Variants in HMG20A observed in about 807,000 individuals in gnomAD.
The protein encoded by HMG20A is high mobility group 20A.
In HMG20A, 17 loss-of-function variants were observed where a neutral mutation model predicts 43.9. The observed-to-expected ratio is 0.39, with a 90% CI of 0.27 to 0.58. The LOEUF (loss-of-function observed/expected upper bound fraction) is 0.58, where lower values mean the gene tolerates loss of function less well. Ranked by LOEUF, HMG20A falls within the 20% of genes least tolerant of loss-of-function variation. The pLI, the probability that HMG20A is intolerant of heterozygous loss-of-function variation, is 0.59. For synonymous variants in HMG20A, 132 were observed against 147.5 expected, an observed-to-expected ratio of 0.89 and a Z score of 0.76; for missense variants, 341 against 438.2, an observed-to-expected ratio of 0.78 and a Z score of 1.98.
the HMG20A span, among the ~76,000 whole-genome samples, chr15:77,506,367 A>G: frequency 0.3 from 46,256 of 151,708 alleles, 7,318 homozygotes; most frequent in African/African-American, 0.39. Context: ...CTCCCTCTCC[A>G]CCAGTTGCTG....
chr15:77,481,005 C>T (rs2072901986), intron 9 of HMG20A, among the ~76,000 whole-genome samples: 1 of 152,124 alleles, frequency 6.6e-6, no homozygotes, highest in Non-Finnish European at 1.5e-5. Context: ...TTAGAATGGT[C>T]ATGGGTTTGA....
intron 1 of HMG20A, among the ~76,000 whole-genome samples, chr15:77,457,516 A>G (rs960835470): frequency 6.6e-6 from 1 of 152,182 alleles, no homozygotes; most frequent in African/African-American, 2.4e-5. Context: ...TTTTAACTAC[A>G]TGGGGTGATG....
the HMG20A span, among the ~76,000 whole-genome samples, chr15:77,501,279 ACT>A: frequency 9.3e-5 from 14 of 151,276 alleles, no homozygotes; most frequent in African/African-American, 3.2e-4. Flanking sequence ...CATCACCTCC[ACT>A]CTCTCTGATT....
chr15:77,447,528 C>A (rs976219342), intron 1 of HMG20A, among the ~76,000 whole-genome samples: 2 of 151,878 alleles, frequency 1.3e-5, no homozygotes, highest in African/African-American at 4.8e-5. Flanking sequence ...CTGAACTGTG[C>A]CAGTCTCTTT....
At chr15:77,511,873 G>A in the HMG20A span, among the ~76,000 whole-genome samples, 2 of 152,166 alleles carry the variant, frequency 1.3e-5, no homozygotes, top group African/African-American at 2.4e-5. Flanking sequence ...ATTAAAAGTA[G>A]AATTACCATA....
the HMG20A span, among the ~76,000 whole-genome samples, chr15:77,508,673 C>T: frequency 2.0e-5 from 3 of 152,202 alleles, no homozygotes; most frequent in Non-Finnish European, 2.9e-5. Context: ...CAGGGCTGGA[C>T]GGGTCACTTG....
At chr15:77,478,990 A>G (rs2072882676) in intron 8 of HMG20A, among the ~76,000 whole-genome samples, 189 bp from the exon 9 acceptor site, 1 of 152,238 alleles carries the variant, frequency 6.6e-6, no homozygotes, top group Non-Finnish European at 1.5e-5. Context: ...TACAGCAATT[A>G]TATAGCCCAT....
At chr15:77,496,589 G>A in the HMG20A span, among the ~76,000 whole-genome samples, 3 of 152,174 alleles carry the variant, frequency 2.0e-5, no homozygotes, top group African/African-American at 4.8e-5. Flanking sequence ...AGGAGGGCCC[G>A]GAAGGTCAGG....
At chr15:77,455,338 A>G (rs1488863614) in intron 1 of HMG20A, among the ~76,000 whole-genome samples, 1 of 149,640 alleles carries the variant, frequency 6.7e-6, no homozygotes, top group Non-Finnish European at 1.5e-5. Flanking sequence ...TTCACTAGTC[A>G]TTAAATATCT....
chr15:77,442,721 G>A (rs569952692), intron 1 of HMG20A, among the ~76,000 whole-genome samples: 2 of 152,158 alleles, frequency 1.3e-5, no homozygotes, highest in Admixed American at 1.3e-4. Context: ...TTTTTGAGAT[G>A]GAGTCTTGCT....
chr15:77,441,153 G>C (rs1213756864), intron 1 of HMG20A, among the ~76,000 whole-genome samples: 1 of 151,992 alleles, frequency 6.6e-6, no homozygotes, highest in South Asian at 2.1e-4. Context: ...TCATTTATAG[G>C]ATAAGAAAAC....
At chr15:77,477,394 T>G (rs1381574655) in intron 6 of HMG20A, among the ~76,000 whole-genome samples, 161 bp from the exon 7 acceptor site, 1 of 152,220 alleles carries the variant, frequency 6.6e-6, no homozygotes, top group African/African-American at 2.4e-5. Context: ...GAAAGTTGGA[T>G]TCCAATGAAA....
downstream of HMG20A, among the ~76,000 whole-genome samples, chr15:77,490,574 G>C (rs1419370001): frequency 6.6e-6 from 1 of 152,216 alleles, no homozygotes; most frequent in Admixed American, 6.5e-5. Context: ...TGTAATCCCA[G>C]TACTTTGGGA....
chr15:77,424,584 G>A (rs1029348843), intron 1 of HMG20A, among the ~76,000 whole-genome samples: 1 of 152,080 alleles, frequency 6.6e-6, no homozygotes, highest in Non-Finnish European at 1.5e-5. Flanking sequence ...TGCTACTCTG[G>A]CTATTGTGAT....
At chr15:77,508,691 A>G in the HMG20A span, among the ~76,000 whole-genome samples, 1 of 152,378 alleles carries the variant, frequency 6.6e-6, no homozygotes, top group East Asian at 1.9e-4. Flanking sequence ...TTGGCAGGCC[A>G]CGTATATGCT....
chr15:77,474,105 C>T (rs1255709220), intron 6 of HMG20A, among the ~76,000 whole-genome samples: 4 of 152,054 alleles, frequency 2.6e-5, no homozygotes, highest in African/African-American at 9.7e-5. Flanking sequence ...AGAAAAATAG[C>T]ACTATGGGTG....
At chr15:77,474,358 C>T (rs563676592) in intron 6 of HMG20A, among the ~76,000 whole-genome samples, 1 of 152,238 alleles carries the variant, frequency 6.6e-6, no homozygotes, top group East Asian at 1.9e-4. Flanking sequence ...CTCAACTGAC[C>T]ACCTCATTTT....
chr15:77,464,400 A>G lies in HMG20A; in HGVS notation c.237+13A>G, dbSNP rs946556270. ...GCATGAAGATGAGGTAAGCTGAAGT[A>G]TCTCCTTCTGTTCCTATCCTCTGAA... On this transcript the variant is annotated intron_variant, in intron 3 of 9. Transcript: ENST00000336216. 2 of 1,612,526 alleles carry G rather than the reference A, an allele frequency of 1.2e-6. No individual in the cohort carries two copies. The highest frequency in any genetic ancestry group is 1.7e-6 in the Non-Finnish European group (2 of 1,178,984).
At chr15:77,446,780 C>CTGGGTGAT (rs2073679157) in intron 1 of HMG20A, among the ~76,000 whole-genome samples, 1 of 149,166 alleles carries the variant, frequency 6.7e-6, no homozygotes, top group African/African-American at 2.5e-5. Context: ...GCACTCCAGC[C>CTGGGTGAT]TGGGTGACAG....
Sources: allele counts gnomAD v4.1 joint callset (sites outside exome capture counted in the v4.1 genomes callset), GRCh38; gene constraint gnomAD v4.1.1; transcripts MANE v1.5; gene names NCBI Gene and HGNC (gene_info 2026-07-23, HGNC 2026-07-21).